Variants in HIPK2 observed in about 807,000 individuals in gnomAD.
The protein encoded by HIPK2 is homeodomain interacting protein kinase 2.
HIPK2 carries 27 observed loss-of-function variants against 113.7 expected under a neutral mutation model. The ratio of observed to expected loss-of-function variants is 0.24; its 90% CI spans 0.17 to 0.33. The LOEUF (loss-of-function observed/expected upper bound fraction) is 0.33. HIPK2 is among the 10% of genes least tolerant of loss of function. The pLI, the probability that HIPK2 is intolerant of heterozygous loss-of-function variation, is 1.00. For missense variants in HIPK2, 1,257 were observed against 1,588.0 expected (o/e 0.79, Z 3.54); for synonymous variants, 631 against 642.2 (o/e 0.98, Z 0.26).
intron 1 of HIPK2, among the ~76,000 whole-genome samples, chr7:139,775,785 G>T (rs1796730722): frequency 6.6e-6 from 1 of 152,150 alleles, no homozygotes; most frequent in Non-Finnish European, 1.5e-5. Context: ...CGGGGGCATG[G>T]CCTACCTTCC....
intron 2 of HIPK2, among the ~76,000 whole-genome samples, chr7:139,687,981 G>A (rs1409229897): frequency 1.3e-5 from 2 of 152,232 alleles, no homozygotes; most frequent in Non-Finnish European, 2.9e-5. Context: ...CTGCAAAGCT[G>A]TGCTTGAGCA....
Position 139,662,688 on chromosome 7 carries a change from C to T in HIPK2, c.1104-30963G>A, listed in dbSNP as rs923680639. The stretch of plus-strand genomic sequence containing the variant: ...AGGCTGGAGCACAGTGGCGTGATCT[C>T]GGCTCACTGCAACCTCCACCTCCTG... On this transcript the variant is annotated intron_variant, in intron 2 of 14. Transcript: ENST00000406875. Among the ~76,000 whole-genome samples, 6 of 150,080 alleles carry T rather than the reference C, an allele frequency of 4.0e-5. No individual in the cohort carries two copies. The East Asian group carries it at 5.9e-4, about 15-fold the overall frequency.
intron 9 of HIPK2, among the ~76,000 whole-genome samples, chr7:139,611,556 T>G (rs537045779): frequency 6.6e-6 from 1 of 152,112 alleles, no homozygotes; most frequent in African/African-American, 2.4e-5. Flanking sequence ...TTTTTTTTTC[T>G]TTACAGACAG....
At chr7:139,634,539 C>A (rs566320232) in intron 2 of HIPK2, among the ~76,000 whole-genome samples, 1 of 152,210 alleles carries the variant, frequency 6.6e-6, no homozygotes, top group South Asian at 2.1e-4. Context: ...CATACCAGGG[C>A]CCCCAGGTTC....
intron 10 of HIPK2, among the ~76,000 whole-genome samples, chr7:139,603,008 T>C (rs140742227): frequency 5.1e-4 from 78 of 152,064 alleles, no homozygotes; most frequent in African/African-American, 1.9e-3. Context: ...CATGAGGGCG[T>C]TGCCAGAAGG....
rs369543607 is a variant in HIPK2, at chr7:139,665,039, CTTT to C, written c.1104-33317_1104-33315del. On this transcript the variant is annotated intron_variant, in intron 2 of 14. Coordinates refer to ENST00000406875, the MANE Select transcript of HIPK2 (RefSeq NM_022740.5). ...TTGGTTACCCTTCTTCTTTCTCTCT[CTTT>C]TTTTTTTTTTTTTTAGACAGGGTCT... Among the ~76,000 whole-genome samples the C allele has an allele frequency of 1.5e-4, 19 of 129,642 alleles. No homozygotes were observed. In the East Asian group the frequency reaches 2.4e-3, roughly 17 times the overall value. The allele number at this position is 129,642 out of a possible 152,430, so 85.1% of individuals were successfully genotyped here. A position where few individuals can be genotyped will look rare whatever the true frequency, so the allele number is the denominator to read the frequency against.
intron 2 of HIPK2, among the ~76,000 whole-genome samples, chr7:139,694,393 C>G (rs186940940): frequency 1.7e-4 from 26 of 152,290 alleles, no homozygotes; most frequent in Non-Finnish European, 3.5e-4. Flanking sequence ...GATCGATGAT[C>G]ATGACGTATC....
In HIPK2 at chr7:139,614,299, G is replaced by A. The variant is rs761384103; in HGVS notation, c.1977C>T (p.Pro659=). ...GCTCAATCTTACCTTGGAAGCCGGGGGGACACACGATGAGAGCTTGCTGGA... is the reference window on the plus strand; with the variant it reads ...GCTCAATCTTACCTTGGAAGCCGGGAGGACACACGATGAGAGCTTGCTGGA... The part of the protein sequence containing the change: ...DPFQQALIVC[P]PGFQGLQASP... Residue 659 remains proline, a synonymous_variant, in exon 8 of 15, where the codon CCC becomes CCT. Coordinates refer to ENST00000406875, the MANE Select transcript of HIPK2 (RefSeq NM_022740.5). The A allele has an allele frequency of 6.6e-7, 1 of 1,518,146 alleles. No homozygotes were observed. 94.0% of individuals were successfully genotyped at this position (1,518,146 alleles called of 1,614,324 possible).
intron 5 of HIPK2, 88 bp from the exon 6 acceptor site, chr7:139,626,873 C>T (rs998510492): frequency 2.5e-5 from 35 of 1,415,570 alleles, no homozygotes; most frequent in Non-Finnish European, 3.2e-5. Flanking sequence ...CTGTAACTTC[C>T]TCCTGATCTC....
Position 139,562,562 on chromosome 7 carries a change from A to G in HIPK2, c.*10365T>C, listed in dbSNP as rs1797977744. Reference sequence around the variant, plus strand: ...GCAGCTCAGTACACGTGGTCAAAGCAAAACGGGATGGAAACTTCCAGTCAC... The same window carrying G: ...GCAGCTCAGTACACGTGGTCAAAGCGAAACGGGATGGAAACTTCCAGTCAC... On this transcript the variant is annotated 3_prime_UTR_variant, in exon 15 of 15. Transcript: ENST00000406875. 6.6e-6 allele frequency: 1 copy of G among 152,276 alleles called. No individual in the cohort carries two copies. The highest frequency in any genetic ancestry group is 1.5e-5 in the Non-Finnish European group (1 of 68,048). 9.4% of individuals were successfully genotyped at this position (152,276 alleles called of 1,614,324 possible). A position where few individuals can be genotyped will look rare whatever the true frequency, so the allele number is the denominator to read the frequency against.
intron 1 of HIPK2, among the ~76,000 whole-genome samples, chr7:139,764,137 T>C (rs1439788067): frequency 1.3e-5 from 2 of 152,232 alleles, no homozygotes; most frequent in South Asian, 2.1e-4. Context: ...TGCTAAGATA[T>C]ATGTTTAAAC....
At chr7:139,624,620 A>G (rs765135118) in intron 6 of HIPK2, among the ~76,000 whole-genome samples, 5 of 152,194 alleles carry the variant, frequency 3.3e-5, no homozygotes, top group Admixed American at 6.5e-5. Flanking sequence ...TATGACTATG[A>G]TAACCCTTCT....
At position 139,631,314 on chromosome 7, in the gene HIPK2, G is replaced by A. The variant is rs750880018; in HGVS notation, c.1228-30C>T. On this transcript the variant is annotated intron_variant, in intron 3 of 14. Coordinates refer to ENST00000406875, the MANE Select transcript of HIPK2 (RefSeq NM_022740.5). The surrounding 1 kb of genome is among the most constrained non-coding windows in gnomAD (Gnocchi z 4.9). ...AAGAAAAGATAAGAATGAGGTCAGG[G>A]CTTTTCCTGTCACTATACATATGGT... is the stretch of plus-strand genomic sequence containing the variant. 8 of 1,588,470 alleles carry A rather than the reference G, an allele frequency of 5.0e-6. No homozygotes were observed. The highest frequency in any genetic ancestry group is 6.9e-6 in the Non-Finnish European group (8 of 1,166,468).
At position 139,631,776 on chromosome 7, in the gene HIPK2, C is replaced by CT; in HGVS notation, c.1104-52dup. 1 of 1,572,762 alleles carries CT rather than the reference C, an allele frequency of 6.4e-7. No homozygotes were observed. The highest frequency in any genetic ancestry group is 1.4e-5 in the African/African-American group (1 of 73,726). The stretch of plus-strand genomic sequence containing the variant: ...ATTAGCAAGTTGGAAATGCAGGAAG[C>CT]TGTTTCTATATGAATACTATCTTTC... On this transcript the variant is annotated intron_variant, in intron 2 of 14. Transcript: ENST00000406875. The surrounding 1 kb of genome is among the most constrained non-coding windows in gnomAD (Gnocchi z 4.9).
In HIPK2 at chr7:139,592,304, T is replaced by C. The variant is rs145692336; in HGVS notation, c.2717+4413A>G. On this transcript the variant is annotated intron_variant, in intron 12 of 14. Coordinates refer to ENST00000406875, the MANE Select transcript of HIPK2 (RefSeq NM_022740.5). Reference sequence around the variant, plus strand: ...TGAAGTGCAGCCTGCAGGAGACACTTGATGACCTAAGCAGAACAACCCACC... The same window carrying C: ...TGAAGTGCAGCCTGCAGGAGACACTCGATGACCTAAGCAGAACAACCCACC... Among the ~76,000 whole-genome samples, 740 of 152,300 alleles carry C rather than the reference T, an allele frequency of 4.9e-3. 7 individuals are homozygous for C. Among genetic ancestry groups the C allele is most frequent in the African/African-American group, 0.017 (693 of 41,542 alleles).
At chr7:139,635,672 G>GT (rs1365514548) in intron 2 of HIPK2, among the ~76,000 whole-genome samples, 1 of 152,076 alleles carries the variant, frequency 6.6e-6, no homozygotes, top group Non-Finnish European at 1.5e-5. Flanking sequence ...ATCTGGCTAG[G>GT]TGGCTGGGAG....
At chr7:139,649,030 T>G (rs887458866) in intron 2 of HIPK2, among the ~76,000 whole-genome samples, 4 of 152,078 alleles carry the variant, frequency 2.6e-5, no homozygotes, top group African/African-American at 4.8e-5. Flanking sequence ...CCATATTTCC[T>G]CTGTTCTTCT....
At chr7:139,759,632 G>A (rs78778472) in intron 1 of HIPK2, among the ~76,000 whole-genome samples, 3 of 152,258 alleles carry the variant, frequency 2.0e-5, no homozygotes, top group East Asian at 3.9e-4. Context: ...AATATGCAGA[G>A]TTCCAGAATG....
Position 139,631,377 on chromosome 7 carries a change from T to A in HIPK2, c.1228-93A>T. Reference sequence around the variant, plus strand: ...CTGCTGGCTTTGAGAAAAATGAAAATGACAATTTTTGTAGGGAAAGAAGTT... The same window carrying A: ...CTGCTGGCTTTGAGAAAAATGAAAAAGACAATTTTTGTAGGGAAAGAAGTT... On this transcript the variant is annotated intron_variant, in intron 3 of 14. Coordinates refer to ENST00000406875, the MANE Select transcript of HIPK2 (RefSeq NM_022740.5). The surrounding 1 kb of genome is among the most constrained non-coding windows in gnomAD (Gnocchi z 4.9). The A allele has an allele frequency of 6.8e-7, 1 of 1,465,686 alleles. No homozygotes were observed. The allele number at this position is 1,465,686 out of a possible 1,614,324, so 90.8% of individuals were successfully genotyped here.
Sources: allele counts gnomAD v4.1 joint callset (sites outside exome capture counted in the v4.1 genomes callset), GRCh38; gene constraint gnomAD v4.1.1; non-coding constraint Gnocchi (gnomAD v3.1); transcripts MANE v1.5; gene names NCBI Gene and HGNC (gene_info 2026-07-23, HGNC 2026-07-21).